GORASP1: variants seen among roughly 807,000 people sequenced by gnomAD.
GORASP1 encodes the protein Golgi reassembly-stacking protein 1.
GORASP1 carries 31 observed loss-of-function variants against 37.7 expected under a neutral mutation model. That is an observed-to-expected ratio of 0.82 (90% CI 0.62 to 1.11). The LOEUF (loss-of-function observed/expected upper bound fraction) is 1.11, where lower values mean the gene tolerates loss of function less well. GORASP1 is among the 50% of genes least tolerant of loss of function. The pLI is 0.00. For missense variants in GORASP1, 476 were observed against 560.7 expected (o/e 0.85, Z 1.53); for synonymous variants, 204 against 224.8 (o/e 0.91, Z 0.83).
In GORASP1 at chr3:39,105,395, T is replaced by G. The variant is rs1347747830; in HGVS notation, c.64-1842A>C. 6.6e-6 allele frequency among the ~76,000 whole-genome samples: 1 copy of G among 152,142 alleles called. No individual in the cohort carries two copies. Among genetic ancestry groups the G allele is most frequent in the African/African-American group, 2.4e-5 (1 of 41,430 alleles). On this transcript the variant is annotated intron_variant, in intron 1 of 8. Transcript: ENST00000319283. The surrounding 1 kb of genome is among the most constrained non-coding windows in gnomAD (Gnocchi z 5.4). Reference sequence around the variant, plus strand: ...CACAGTGATCACAACTTACACTTACTAAGGGCTGGTTGGCTGAGTGCCAGG... The same window carrying G: ...CACAGTGATCACAACTTACACTTACGAAGGGCTGGTTGGCTGAGTGCCAGG...
At position 39,100,309 on chromosome 3, in the gene GORASP1, A is replaced by G; in HGVS notation, c.761T>C (p.Met254Thr). The change falls in exon 6 of 9, where the codon ATG becomes ACG. Residue 254 changes from methionine to threonine, a missense_variant. Transcript: ENST00000319283. This position sits in a 1 kb window ranked among gnomAD's most constrained non-coding sequence, Gnocchi z 4.6. ...TGGCAGATTCTCCCCACATACCTCC[A>G]TGTAGTCACTCTGCCTGGAACCTGT... ...LETGSRQSDY[M>T]EALLQAPGSS... is the part of the protein sequence containing the mutation. 1 of 1,613,766 alleles carries G rather than the reference A, an allele frequency of 6.2e-7. No individual in the cohort carries two copies. Among genetic ancestry groups the G allele is most frequent in the Non-Finnish European group, 8.5e-7 (1 of 1,179,758 alleles).
At position 39,103,580 on chromosome 3, in the gene GORASP1, C is replaced by T; in HGVS notation, c.64-27G>A. ...TATCCCACAGCAAAGACCACAGTCA[C>T]TGCGCCAACCCTGGGACTCTCCAAG... On this transcript the variant is annotated intron_variant, in intron 1 of 8. Transcript: ENST00000319283. This position sits in a 1 kb window ranked among gnomAD's most constrained non-coding sequence, Gnocchi z 5.2. 1.3e-6 allele frequency: 2 copies of T among 1,583,176 alleles called. No homozygotes were observed. The highest frequency in any genetic ancestry group is 8.6e-7 in the Non-Finnish European group (1 of 1,159,454).
Position 39,102,738 on chromosome 3 carries a change from C to G in GORASP1, c.288G>C (p.Leu96=), listed in dbSNP as rs2035801902. 5.0e-6 allele frequency: 8 copies of G among 1,614,264 alleles called. No individual in the cohort carries two copies. The highest frequency in any genetic ancestry group is 6.8e-6 in the Non-Finnish European group (8 of 1,180,042). ...PSNMWGGQGL[L]GASVRFCSFR... ...AGCTGCAGAAGCGCACACTGGCACC[C>G]AGTAGGCCCTGGCCGCCCCACATGT... Residue 96 remains leucine (L), a synonymous_variant, in exon 3 of 9, where the codon CTG becomes CTC. Coordinates refer to ENST00000319283, the MANE Select transcript of GORASP1 (RefSeq NM_031899.4). The surrounding 1 kb of genome is among the most constrained non-coding windows in gnomAD (Gnocchi z 5.0).
In GORASP1 at chr3:39,103,959, G is replaced by A. The variant is rs1215034246; in HGVS notation, c.64-406C>T. 1.3e-5 allele frequency among the ~76,000 whole-genome samples: 2 copies of A among 152,220 alleles called. No homozygotes were observed. Among genetic ancestry groups the A allele is most frequent in the East Asian group, 1.9e-4 (1 of 5,200 alleles). ...CTGGACCAGAAGGGAGGGCCCTGAC[G>A]TGCAGTGGAAGTGGGCAGGCCTCGG... On this transcript the variant is annotated intron_variant, in intron 1 of 8. Transcript: ENST00000319283. The surrounding 1 kb of genome is among the most constrained non-coding windows in gnomAD (Gnocchi z 5.2).
In GORASP1 at chr3:39,102,257, G is replaced by A. The variant is rs1163598865; in HGVS notation, c.348+421C>T. 6.6e-6 allele frequency among the ~76,000 whole-genome samples: 1 copy of A among 152,094 alleles called. No homozygotes were observed. The highest frequency in any genetic ancestry group is 2.4e-5 in the African/African-American group (1 of 41,390). ...ATAGAACAGGTACAGTAAAAATATG[G>A]TATTATAATCTTATGGGATCACTAT... On this transcript the variant is annotated intron_variant, in intron 3 of 8. Coordinates refer to ENST00000319283, the MANE Select transcript of GORASP1 (RefSeq NM_031899.4). The surrounding 1 kb of genome is among the most constrained non-coding windows in gnomAD (Gnocchi z 5.0).
intron 6 of GORASP1, 132 bp from the exon 7 acceptor site, chr3:39,099,635 C>A (rs776908238): frequency 2.4e-5 from 23 of 964,552 alleles, no homozygotes; most frequent in Non-Finnish European, 3.4e-5. Context: ...AGGAAATGGC[C>A]TTAATAAACC....
Position 39,098,977 on chromosome 3 carries a change from A to G in GORASP1, c.917-84T>C. 1 of 1,539,760 alleles carries G rather than the reference A, an allele frequency of 6.5e-7. No homozygotes were observed. The highest frequency in any genetic ancestry group is 1.2e-5 in the South Asian group (1 of 84,568). On this transcript the variant is annotated intron_variant, in intron 7 of 8. Transcript: ENST00000319283. The surrounding 1 kb of genome is among the most constrained non-coding windows in gnomAD (Gnocchi z 4.7). ...ACCCTGGGCTCACCTTGCCTAGGGC[A>G]TCTGGCCCAGCCTGTGAGACTGTAA...
At position 39,103,912 on chromosome 3, in the gene GORASP1, G is replaced by A. The variant is rs1455672196; in HGVS notation, c.64-359C>T. 2.0e-5 allele frequency among the ~76,000 whole-genome samples: 3 copies of A among 152,218 alleles called. No homozygotes were observed. The highest frequency in any genetic ancestry group is 1.5e-5 in the Non-Finnish European group (1 of 68,028). On this transcript the variant is annotated intron_variant, in intron 1 of 8. Transcript: ENST00000319283. This position sits in a 1 kb window ranked among gnomAD's most constrained non-coding sequence, Gnocchi z 5.2. ...GCTAGGGTTGGCCGGAAAGCCAAAA[G>A]GGTTTACCAGAAAGGTTTAGACTGG... is the stretch of plus-strand genomic sequence containing the variant.
At chr3:39,099,676 G>A (rs2125698879) in intron 6 of GORASP1, among the ~76,000 whole-genome samples, 173 bp from the exon 7 acceptor site, 2 of 152,294 alleles carry the variant, frequency 1.3e-5, no homozygotes, top group South Asian at 4.1e-4. Flanking sequence ...TAGGAAGTCA[G>A]GCCTGAGGGG....
intron 1 of GORASP1, among the ~76,000 whole-genome samples, chr3:39,104,216 C>T (rs548673629): frequency 6.6e-6 from 1 of 152,304 alleles, no homozygotes; most frequent in South Asian, 2.1e-4. Context: ...GAGGAGCCCC[C>T]CAGTGGCTCA....
At chr3:39,099,553 G>A (rs1174353568) in intron 6 of GORASP1, 50 bp from the exon 7 acceptor site, 2 of 1,575,722 alleles carry the variant, frequency 1.3e-6, no homozygotes, top group East Asian at 2.3e-5. Context: ...AGTGCCTCAA[G>A]GTGAAGAATT....
At chr3:39,099,179 T>C in intron 7 of GORASP1, 174 bp downstream of exon 7, 1 of 860,234 alleles carries the variant, frequency 1.2e-6, no homozygotes, top group Non-Finnish European at 1.9e-6. Context: ...CTACCTCTCT[T>C]CTCTGGACTA....
rs924027456 is a variant in GORASP1 at position 39,097,399 on chromosome 3, A to G, written c.*837T>C. On this transcript the variant is annotated 3_prime_UTR_variant, in exon 9 of 9. Transcript: ENST00000319283. ...GCTTCCTCCCCTACAACAGGAAAGA[A>G]CAAAAGGGTCTTTACCTACTCTTAA... The G allele has an allele frequency of 1.3e-5, 2 of 152,248 alleles. No individual in the cohort carries two copies. The highest frequency in any genetic ancestry group is 4.8e-5 in the African/African-American group (2 of 41,462). 9.4% of individuals were successfully genotyped at this position (152,248 alleles called of 1,614,324 possible). A position where few individuals can be genotyped will look rare whatever the true frequency, so the allele number is the denominator to read the frequency against.
rs537583479 is a variant in GORASP1, at chr3:39,100,229, G to A, written c.765+76C>T. On this transcript the variant is annotated intron_variant, in intron 6 of 8. Coordinates refer to ENST00000319283, the MANE Select transcript of GORASP1 (RefSeq NM_031899.4). This position sits in a 1 kb window ranked among gnomAD's most constrained non-coding sequence, Gnocchi z 4.6. Reference sequence around the variant, plus strand: ...CTCTCAGATCACAAAGGCCCCTGGTGAGGGTTGCTGATGGCTCCCCAAGGG... The same window carrying A: ...CTCTCAGATCACAAAGGCCCCTGGTAAGGGTTGCTGATGGCTCCCCAAGGG... 15 of 1,304,968 alleles carry A rather than the reference G, an allele frequency of 1.1e-5. No homozygotes were observed. The East Asian group carries it at 3.3e-4, about 28-fold the overall frequency. The allele number at this position is 1,304,968 out of a possible 1,614,324, so 80.8% of individuals were successfully genotyped here. A position where few individuals can be genotyped will look rare whatever the true frequency, so the allele number is the denominator to read the frequency against.
intron 3 of GORASP1, 83 bp from the exon 4 acceptor site, chr3:39,101,185 G>A (rs2035686420): frequency 8.3e-7 from 1 of 1,204,144 alleles, no homozygotes; most frequent in African/African-American, 1.5e-5. Context: ...ACTGCCTCTT[G>A]AGGTAGTGAG....
intron 1 of GORASP1, among the ~76,000 whole-genome samples, chr3:39,104,951 A>G (rs1483545382): frequency 6.6e-6 from 1 of 152,110 alleles, no homozygotes; most frequent in Non-Finnish European, 1.5e-5. Flanking sequence ...CTTGGGGACA[A>G]TGCCCCTCCC....
chr3:39,100,641 C>A lies in GORASP1; in HGVS notation c.566+106G>T, dbSNP rs2035639348. 4.0e-6 allele frequency: 6 copies of A among 1,509,720 alleles called. No homozygotes were observed. In the Admixed American group the frequency reaches 6.0e-5, roughly 15 times the overall value. 93.5% of individuals were successfully genotyped at this position (1,509,720 alleles called of 1,614,324 possible). ...ACCGGTCAGCCTCAGGATCCCTGGG[C>A]CCAGGGCCCAACCCTCCTCCATCTC... On this transcript the variant is annotated intron_variant, in intron 5 of 8. Transcript: ENST00000319283. This position sits in a 1 kb window ranked among gnomAD's most constrained non-coding sequence, Gnocchi z 4.6.
intron 7 of GORASP1, chr3:39,099,150 C>T (rs1443142861): frequency 1.3e-6 from 1 of 793,566 alleles, no homozygotes; most frequent in Non-Finnish European, 2.2e-6. Context: ...GTCCAATTTG[C>T]TGTGTGACCT....
At position 39,100,640 on chromosome 3, in the gene GORASP1, G is replaced by T; in HGVS notation, c.566+107C>A. 1 of 1,505,636 alleles carries T rather than the reference G, an allele frequency of 6.6e-7. No homozygotes were observed. The highest frequency in any genetic ancestry group is 9.0e-7 in the Non-Finnish European group (1 of 1,116,022). 93.3% of individuals were successfully genotyped at this position (1,505,636 alleles called of 1,614,324 possible). On this transcript the variant is annotated intron_variant, in intron 5 of 8. Transcript: ENST00000319283. The surrounding 1 kb of genome is among the most constrained non-coding windows in gnomAD (Gnocchi z 4.6). ...TACCGGTCAGCCTCAGGATCCCTGG[G>T]CCCAGGGCCCAACCCTCCTCCATCT... is the stretch of plus-strand genomic sequence containing the variant.
Sources: allele counts gnomAD v4.1 joint callset (sites outside exome capture counted in the v4.1 genomes callset), GRCh38; gene constraint gnomAD v4.1.1; non-coding constraint Gnocchi (gnomAD v3.1); transcripts MANE v1.5; gene names NCBI Gene and HGNC (gene_info 2026-07-23, HGNC 2026-07-21).